RNF19A: variants seen among roughly 807,000 people sequenced by gnomAD.
RNF19A encodes E3 ubiquitin-protein ligase RNF19A.
In RNF19A, 32 loss-of-function variants were observed where a neutral mutation model predicts 75.7. That is an observed-to-expected ratio of 0.42 (90% CI 0.32 to 0.57). RNF19A has a LOEUF of 0.57. Among genes scored for constraint, RNF19A ranks in the 20% least tolerant of loss-of-function variants. RNF19A has a pLI of 0.10. For missense variants in RNF19A, 782 were observed against 1,036.3 expected (o/e 0.75, Z 3.37); for synonymous variants, 335 against 345.2 (o/e 0.97, Z 0.33).
In RNF19A at chr8:100,287,171, C is replaced by T. The variant is rs1252959552; in HGVS notation, c.674+330G>A. ...AAATAACCCCCTCATCATAAACAAA[C>T]CTGATCATTTCATCTGTTATTCCAA... is the stretch of plus-strand genomic sequence containing the variant. On this transcript the variant is annotated intron_variant, in intron 2 of 9. Transcript: ENST00000341084. The surrounding 1 kb of genome is among the most constrained non-coding windows in gnomAD (Gnocchi z 4.1). Among the ~76,000 whole-genome samples, 1 of 152,106 alleles carries T rather than the reference C, an allele frequency of 6.6e-6. No individual in the cohort carries two copies. Among genetic ancestry groups the T allele is most frequent in the African/African-American group, 2.4e-5 (1 of 41,412 alleles).
intron 3 of RNF19A, among the ~76,000 whole-genome samples, chr8:100,273,624 TTTTAA>T (rs1298431651): frequency 1.3e-5 from 2 of 152,230 alleles, no homozygotes; most frequent in Admixed American, 6.5e-5. Flanking sequence ...TTCTGTCGTT[TTTTAA>T]TTTAATGATA....
Position 100,257,492 on chromosome 8 carries a change from T to C in RNF19A, c.*1064A>G, listed in dbSNP as rs1224394682. The C allele has an allele frequency of 6.5e-6, 1 of 152,782 alleles. No homozygotes were observed. The highest frequency in any genetic ancestry group is 6.5e-5 in the Admixed American group (1 of 15,286). The allele number at this position is 152,782 out of a possible 1,614,324, so 9.5% of individuals were successfully genotyped here. The stretch of plus-strand genomic sequence containing the variant: ...CTAATCATACATGGACCTTTTGTAC[T>C]TGGTACAAGTTCTGCACCGTGCTTT... On this transcript the variant is annotated 3_prime_UTR_variant, in exon 10 of 10. Coordinates refer to ENST00000341084, the MANE Select transcript of RNF19A (RefSeq NM_183419.4).
Position 100,333,311 on chromosome 8 carries a change from T to A in RNF19A, c.-243+2797A>T, listed in dbSNP as rs1822633552. On this transcript the variant is annotated intron_variant, in intron 1 of 3. Coordinates refer to the RNF19A transcript ENST00000519527. This position sits in a 1 kb window ranked among gnomAD's most constrained non-coding sequence, Gnocchi z 4.7. ...AAATACACTTCTATTGTTTAACAATTACCCAGTCTGAGGTATTATATTATA... is the reference window on the plus strand; with the variant it reads ...AAATACACTTCTATTGTTTAACAATAACCCAGTCTGAGGTATTATATTATA... 6.6e-6 allele frequency among the ~76,000 whole-genome samples: 1 copy of A among 152,252 alleles called. No individual in the cohort carries two copies. The highest frequency in any genetic ancestry group is 1.5e-5 in the Non-Finnish European group (1 of 68,038).
chr8:100,330,013 G>C lies in RNF19A; in HGVS notation c.-243+6095C>G, dbSNP rs1184242410. Among the ~76,000 whole-genome samples, 3 of 151,956 alleles carry C rather than the reference G, an allele frequency of 2.0e-5. No homozygotes were observed. The highest frequency in any genetic ancestry group is 4.4e-5 in the Non-Finnish European group (3 of 67,994). On this transcript the variant is annotated intron_variant, in intron 1 of 3. Transcript: ENST00000519527. The surrounding 1 kb of genome is among the most constrained non-coding windows in gnomAD (Gnocchi z 4.1). ...AAGGGATCCTAATTTGTTTTTTTGT[G>C]GGGGAGGCAGTGGGAGGAGGCTTAT...
chr8:100,321,221 TC>T (rs1474223326), intron 1 of RNF19A, among the ~76,000 whole-genome samples: 2 of 152,258 alleles, frequency 1.3e-5, no homozygotes, highest in African/African-American at 4.8e-5. Flanking sequence ...AGAAGTTCTT[TC>T]AAAATTGGAA....
chr8:100,314,324 A>G (rs148915383), upstream of RNF19A, among the ~76,000 whole-genome samples: 23 of 152,308 alleles, frequency 1.5e-4, no homozygotes, highest in African/African-American at 3.8e-4. The surrounding 1 kb of genome is among the most constrained non-coding windows in gnomAD (Gnocchi z 4.1). Context: ...CTTTATAAGT[A>G]TTAAGCCACT....
chr8:100,288,219 G>T lies in RNF19A; in HGVS notation c.-45C>A, dbSNP rs1465799969. On this transcript the variant is annotated 5_prime_UTR_variant, in exon 2 of 10. It adds an upstream start codon to the 5' untranslated region. Coordinates refer to ENST00000341084, the MANE Select transcript of RNF19A (RefSeq NM_183419.4). ...AAGAATATCCTACTTGGTTCCTTCA[G>T]AGAATTCTTGAAAAGTTCGATTTAC... 1 of 1,501,166 alleles carries T rather than the reference G, an allele frequency of 6.7e-7. No individual in the cohort carries two copies. Among genetic ancestry groups the T allele is most frequent in the East Asian group, 2.3e-5 (1 of 43,698 alleles). 93.0% of individuals were successfully genotyped at this position (1,501,166 alleles called of 1,614,324 possible). A position where few individuals can be genotyped will look rare whatever the true frequency, so the allele number is the denominator to read the frequency against.
Position 100,258,045 on chromosome 8 carries a change from T to C in RNF19A, c.*511A>G, listed in dbSNP as rs1241719559. On this transcript the variant is annotated 3_prime_UTR_variant, in exon 10 of 10. Transcript: ENST00000341084. This position sits in a 1 kb window ranked among gnomAD's most constrained non-coding sequence, Gnocchi z 4.3. Reference sequence around the variant, plus strand: ...CTGCATTAAGCTTTATATAACCACATTGCATATGAAGAAAAAAAATGAAAT... The same window carrying C: ...CTGCATTAAGCTTTATATAACCACACTGCATATGAAGAAAAAAAATGAAAT... 8 of 398,130 alleles carry C rather than the reference T, an allele frequency of 2.0e-5. No homozygotes were observed. The highest frequency in any genetic ancestry group is 1.3e-4 in the South Asian group (1 of 7,852). The allele number at this position is 398,130 out of a possible 1,614,324, so 24.7% of individuals were successfully genotyped here. A position where few individuals can be genotyped will look rare whatever the true frequency, so the allele number is the denominator to read the frequency against.
upstream of RNF19A, chr8:100,313,225 GCATGGTGCTTA>G: frequency 1.6e-6 from 1 of 622,212 alleles, no homozygotes. Context: ...ATATCCGTTT[GCATGGTGCTTA>G]CATTGGGGGA....
Position 100,287,825 on chromosome 8 carries a change from T to C in RNF19A, c.350A>G (p.Asn117Ser), listed in dbSNP as rs745384172. The part of the protein sequence containing the change: ...SIFSTNTSSD[N>S]GLTSISKQIG... ...TTGTTTGCTGATGGAAGTTAATCCA[T>C]TGTCAGAAGAGGTATTTGTAGAGAA... Residue 117 changes from asparagine to serine, a missense_variant, in exon 2 of 10, where the codon AAT becomes AGT. By Grantham distance (46) the Asn-to-Ser change is conservative (BLOSUM62 1). This residue lies in a region of RNF19A where 148 missense variants were observed against 147.9 expected (regional missense o/e 1.00). Coordinates refer to ENST00000341084, the MANE Select transcript of RNF19A (RefSeq NM_183419.4). The surrounding 1 kb of genome is among the most constrained non-coding windows in gnomAD (Gnocchi z 4.1). 1.4e-5 allele frequency: 23 copies of C among 1,614,110 alleles called. No homozygotes were observed. Among genetic ancestry groups the C allele is most frequent in the African/African-American group, 4.0e-5 (3 of 74,954 alleles).
chr8:100,312,816 C>G (rs1167498837), upstream of RNF19A, among the ~76,000 whole-genome samples: 3 of 152,108 alleles, frequency 2.0e-5, no homozygotes, highest in Non-Finnish European at 4.4e-5. Context: ...CCCAGCTCCT[C>G]AGGAGACTGA....
chr8:100,283,390 C>T (rs1820873275), intron 2 of RNF19A, among the ~76,000 whole-genome samples: 1 of 152,184 alleles, frequency 6.6e-6, no homozygotes, highest in African/African-American at 2.4e-5. Context: ...AATTTTTCTC[C>T]CTAACTATGG....
At position 100,287,842 on chromosome 8, in the gene RNF19A, T is replaced by G. The variant is rs1272040624; in HGVS notation, c.333A>C (p.Thr111=). The G allele has an allele frequency of 6.2e-7, 1 of 1,614,096 alleles. No homozygotes were observed. The highest frequency in any genetic ancestry group is 1.3e-5 in the African/African-American group (1 of 74,944). Residue 111 remains threonine, a synonymous_variant, in exon 2 of 10, where the codon ACA becomes ACC. Transcript: ENST00000341084. The surrounding 1 kb of genome is among the most constrained non-coding windows in gnomAD (Gnocchi z 4.1). ...MCTDKNSIFS[T]NTSSDNGLTS... ...TTAATCCATTGTCAGAAGAGGTATT[T>G]GTAGAGAAAATGGAGTTCTTATCAG...
chr8:100,257,357 TTTTA>T lies in RNF19A; in HGVS notation c.*1195_*1198del, dbSNP rs953177545. ...ACTGCTATCATTGAGGTTAACCTGC[TTTTA>T]TTTAAGTGAATTATACAGGAAATTA... On this transcript the variant is annotated 3_prime_UTR_variant, in exon 10 of 10. Coordinates refer to ENST00000341084, the MANE Select transcript of RNF19A (RefSeq NM_183419.4). 3.3e-5 allele frequency: 5 copies of T among 152,510 alleles called. No homozygotes were observed. The highest frequency in any genetic ancestry group is 1.2e-4 in the African/African-American group (5 of 41,392). The allele number at this position is 152,510 out of a possible 1,614,324, so 9.4% of individuals were successfully genotyped here. A position where few individuals can be genotyped will look rare whatever the true frequency, so the allele number is the denominator to read the frequency against.
At chr8:100,290,294 GT>G (rs1262873388) in intron 1 of RNF19A, among the ~76,000 whole-genome samples, 1 of 152,146 alleles carries the variant, frequency 6.6e-6, no homozygotes, top group Admixed American at 6.5e-5. Context: ...TAGAGACAAG[GT>G]TTCACCATGT....
rs1171780039 is a variant in RNF19A, at chr8:100,260,653, G to C, written c.1683-656C>G. On this transcript the variant is annotated intron_variant, in intron 8 of 9. Coordinates refer to ENST00000341084, the MANE Select transcript of RNF19A (RefSeq NM_183419.4). The surrounding 1 kb of genome is among the most constrained non-coding windows in gnomAD (Gnocchi z 4.1). ...TAAAAGGCAAACTACCTAAAAATAA[G>C]ATGTCTAATTTATCTTTTAATTCAT... is the stretch of plus-strand genomic sequence containing the variant. 6.6e-6 allele frequency among the ~76,000 whole-genome samples: 1 copy of C among 152,058 alleles called. No homozygotes were observed. Among genetic ancestry groups the C allele is most frequent in the Non-Finnish European group, 1.5e-5 (1 of 68,018 alleles).
In RNF19A at chr8:100,275,410, T is replaced by G. The variant is rs1369769284; in HGVS notation, c.675-249A>C. Reference sequence around the variant, plus strand: ...CAGGGTTTTTTTTTTAGGTTCAGGGTTTTTTTTTTAGATTCAGGGGGTACA... The same window carrying G: ...CAGGGTTTTTTTTTTAGGTTCAGGGGTTTTTTTTTAGATTCAGGGGGTACA... On this transcript the variant is annotated intron_variant, in intron 2 of 9. Transcript: ENST00000341084. The surrounding 1 kb of genome is among the most constrained non-coding windows in gnomAD (Gnocchi z 4.3). Among the ~76,000 whole-genome samples the G allele has an allele frequency of 6.8e-6, 1 of 146,816 alleles. No individual in the cohort carries two copies. Among genetic ancestry groups the G allele is most frequent in the South Asian group, 2.2e-4 (1 of 4,576 alleles).
Position 100,270,000 on chromosome 8 carries a change from C to T in RNF19A, c.897G>A (p.Lys299=). The part of the protein sequence containing the change: ...QESGAAADDI[K]PCPRCAAYII... ...TATAAGCAGCACATCGTGGACATGG[C>T]TTTATATCATCAGCTATTGGGAACA... The change falls in exon 4 of 10, where the codon AAG becomes AAA. Residue 299 remains lysine, a synonymous_variant. Coordinates refer to ENST00000341084, the MANE Select transcript of RNF19A (RefSeq NM_183419.4). The surrounding 1 kb of genome is among the most constrained non-coding windows in gnomAD (Gnocchi z 5.7). The T allele has an allele frequency of 6.3e-7, 1 of 1,591,914 alleles. No individual in the cohort carries two copies. Among genetic ancestry groups the T allele is most frequent in the Non-Finnish European group, 8.5e-7 (1 of 1,170,268 alleles).
intron 3 of RNF19A, among the ~76,000 whole-genome samples, chr8:100,272,648 C>T (rs371546324): frequency 1.3e-5 from 2 of 152,032 alleles, no homozygotes; most frequent in African/African-American, 4.8e-5. Context: ...AGCAATCCTC[C>T]ACTTCAATCT....
Sources: gnomAD v4.1 joint callset for allele counts (sites outside exome capture counted in the v4.1 genomes callset) on GRCh38, gnomAD v4.1.1 for gene constraint, gnomAD v4.1.1 regional missense constraint, Gnocchi (gnomAD v3.1) non-coding constraint, MANE v1.5 for transcripts, NCBI Gene and HGNC (gene_info 2026-07-23, HGNC 2026-07-21) for gene names.